The following DNAJC28 variants were observed in gnomAD, a reference collection of about 807,000 sequenced individuals.
DNAJC28 encodes dnaJ homolog subfamily C member 28.
Under a neutral mutation model 33.3 loss-of-function variants are expected in DNAJC28, and 24 were observed. That is an observed-to-expected ratio of 0.72 (90% CI 0.52 to 1.01). The LOEUF (loss-of-function observed/expected upper bound fraction) is 1.01, where lower values mean the gene tolerates loss of function less well. Among genes scored for constraint, DNAJC28 ranks in the 50% least tolerant of loss-of-function variants. The pLI, the probability that DNAJC28 is intolerant of heterozygous loss-of-function variation, is 0.00. For missense variants in DNAJC28, 442 were observed against 455.2 expected, an observed-to-expected ratio of 0.97 and a Z score of 0.26; for synonymous variants, 120 against 147.2, an observed-to-expected ratio of 0.82 and a Z score of 1.34.
chr21:33,488,145 T>A lies in DNAJC28; in HGVS notation c.*82A>T, dbSNP rs1048134965. ...TGTGATAAGTACAATGGCACAATTC[T>A]TAAATTCTTGTATTATAGCAATAAA... On this transcript the variant is annotated 3_prime_UTR_variant, in exon 2 of 2. Transcript: ENST00000381947. 4.3e-6 allele frequency: 5 copies of A among 1,174,028 alleles called. No individual in the cohort carries two copies. The highest frequency in any genetic ancestry group is 5.8e-6 in the Non-Finnish European group (5 of 863,884). The allele number at this position is 1,174,028 out of a possible 1,614,324, so 72.7% of individuals were successfully genotyped here.
At position 33,488,589 on chromosome 21, in the gene DNAJC28, G is replaced by A. The variant is rs759102103; in HGVS notation, c.805C>T (p.Gln269Ter). 2.5e-6 allele frequency: 4 copies of A among 1,613,838 alleles called. No homozygotes were observed. In the East Asian group the frequency reaches 8.9e-5, roughly 36 times the overall value. The change falls in exon 2 of 2, where the codon CAA becomes TAA. Residue 269 changes from glutamine (Q) to a stop codon, truncating the protein, a stop_gained. Coordinates refer to ENST00000381947, the MANE Select transcript of DNAJC28 (RefSeq NM_001040192.3). LOFTEE classifies it high-confidence loss of function. ...KQKEISDTIE[Q>*]LREAILVSRK... The stretch of plus-strand genomic sequence containing the variant: ...GACACTAAAATTGCCTCTCTGAGTT[G>A]CTCAATAGTATCGCTTATTTCCTTT...
At chr21:33,491,514 C>T (rs947747157) in intron 1 of DNAJC28, 88 bp downstream of exon 1, 27 of 152,738 alleles carry the variant, frequency 1.8e-4, no homozygotes, top group African/African-American at 6.5e-4. Context: ...GGTGTCCCTC[C>T]CACCGCCTCC....
In DNAJC28 at chr21:33,488,111, G is replaced by T; in HGVS notation, c.*116C>A. On this transcript the variant is annotated 3_prime_UTR_variant, in exon 2 of 2. Coordinates refer to ENST00000381947, the MANE Select transcript of DNAJC28 (RefSeq NM_001040192.3). Reference sequence around the variant, plus strand: ...CTCACTCACACATCATTGGCTATGTGATTAGTTTTGTGATAAGTACAATGG... The same window carrying T: ...CTCACTCACACATCATTGGCTATGTTATTAGTTTTGTGATAAGTACAATGG... The T allele has an allele frequency of 1.2e-6, 1 of 817,732 alleles. No homozygotes were observed. The highest frequency in any genetic ancestry group is 1.8e-6 in the Non-Finnish European group (1 of 556,018). 50.7% of individuals were successfully genotyped at this position (817,732 alleles called of 1,614,324 possible).
At position 33,489,171 on chromosome 21, in the gene DNAJC28, C is replaced by A; in HGVS notation, c.223G>T (p.Ala75Ser). ...CCACTGTCAGGATGATATTGCTTGG[C>A]AAGCTTATGAAAAGATTCCCTGACT... ...DEVRESFHKL[A>S]KQYHPDSGSN... Residue 75 changes from alanine to serine, a missense_variant, in exon 2 of 2, where the codon GCC (alanine) becomes TCC (serine). Transcript: ENST00000381947. 4 of 1,611,498 alleles carry A rather than the reference C, an allele frequency of 2.5e-6. No homozygotes were observed. Among genetic ancestry groups the A allele is most frequent in the Non-Finnish European group, 3.4e-6 (4 of 1,179,364 alleles).
In DNAJC28 at chr21:33,488,127, A is replaced by C; in HGVS notation, c.*100T>G. On this transcript the variant is annotated 3_prime_UTR_variant, in exon 2 of 2. Coordinates refer to ENST00000381947, the MANE Select transcript of DNAJC28 (RefSeq NM_001040192.3). ...TGGCTATGTGATTAGTTTTGTGATAAGTACAATGGCACAATTCTTAAATTC... is the reference window on the plus strand; with the variant it reads ...TGGCTATGTGATTAGTTTTGTGATACGTACAATGGCACAATTCTTAAATTC... The C allele has an allele frequency of 1.0e-6, 1 of 999,082 alleles. No homozygotes were observed. Among genetic ancestry groups the C allele is most frequent in the Non-Finnish European group, 1.4e-6 (1 of 716,720 alleles). 61.9% of individuals were successfully genotyped at this position (999,082 alleles called of 1,614,324 possible).
Position 33,490,830 on chromosome 21 carries a change from A to G in DNAJC28, c.-32+772T>C, listed in dbSNP as rs192894610. Reference sequence around the variant, plus strand: ...CTAACCGTATATTTTACAAGTGGAAAGTTCTTAGAGATCATCTAATCCAAT... The same window carrying G: ...CTAACCGTATATTTTACAAGTGGAAGGTTCTTAGAGATCATCTAATCCAAT... On this transcript the variant is annotated intron_variant, in intron 1 of 1. Transcript: ENST00000381947. Among the ~76,000 whole-genome samples the G allele has an allele frequency of 3.9e-4, 59 of 152,302 alleles. 1 individual carries two copies. In the East Asian group the frequency reaches 9.8e-3, roughly 25 times the overall value.
In DNAJC28 at chr21:33,489,260, G is replaced by A; in HGVS notation, c.134C>T (p.Ser45Phe). The change falls in exon 2 of 2, where the codon TCC becomes TTC. Residue 45 changes from serine (S) to phenylalanine (F), a missense_variant. Coordinates refer to ENST00000381947, the MANE Select transcript of DNAJC28 (RefSeq NM_001040192.3). ...ATAATATTCTCTGATCTTCTTTTTG[G>A]ATTTATGGGTTGACATCATTCTATT... is the stretch of plus-strand genomic sequence containing the variant. Reference protein sequence around the residue: ...IRNRMMSTHKSKKKIREYYRL... With the variant: ...IRNRMMSTHKFKKKIREYYRL... The A allele has an allele frequency of 6.3e-7, 1 of 1,599,910 alleles. No individual in the cohort carries two copies. The highest frequency in any genetic ancestry group is 8.5e-7 in the Non-Finnish European group (1 of 1,176,116).
Position 33,489,340 on chromosome 21 carries a change from C to G in DNAJC28, c.54G>C (p.Lys18Asn), listed in dbSNP as rs113816667. Residue 18 changes from lysine to asparagine, a missense_variant, in exon 2 of 2, where the codon AAG (lysine) becomes AAC (asparagine). Coordinates refer to ENST00000381947, the MANE Select transcript of DNAJC28 (RefSeq NM_001040192.3). ...MAQILRSHLI[K>N]ATVIPNRVKM... The stretch of plus-strand genomic sequence containing the variant: ...TCACTCGATTAGGAATCACTGTAGC[C>G]TTTATCAGGTGAGATCTTAAGATCT... 1.3e-6 allele frequency: 2 copies of G among 1,559,976 alleles called. No individual in the cohort carries two copies. Among genetic ancestry groups the G allele is most frequent in the Non-Finnish European group, 1.7e-6 (2 of 1,158,644 alleles).
At position 33,491,691 on chromosome 21, in the gene DNAJC28, A is replaced by C. The variant is rs1432760177; in HGVS notation, c.-121T>G. ...GAGGACCCAGGCAGGGCACCTCGGG[A>C]GCCTTCGTCCCGACCGGGGACCACC... On this transcript the variant is annotated 5_prime_UTR_variant, in exon 1 of 2. Coordinates refer to ENST00000381947, the MANE Select transcript of DNAJC28 (RefSeq NM_001040192.3). 2.0e-5 allele frequency: 3 copies of C among 152,314 alleles called. No individual in the cohort carries two copies. The highest frequency in any genetic ancestry group is 7.2e-5 in the African/African-American group (3 of 41,440). The allele number at this position is 152,314 out of a possible 1,614,324, so 9.4% of individuals were successfully genotyped here. A position where few individuals can be genotyped will look rare whatever the true frequency, so the allele number is the denominator to read the frequency against.
chr21:33,489,045 C>T lies in DNAJC28; in HGVS notation c.349G>A (p.Gly117Ser), dbSNP rs2084494529. 1 of 1,612,592 alleles carries T rather than the reference C, an allele frequency of 6.2e-7. No individual in the cohort carries two copies. Among genetic ancestry groups the T allele is most frequent in the Admixed American group, 1.7e-5 (1 of 59,652 alleles). Residue 117 changes from glycine to serine, a missense_variant, in exon 2 of 2, where the codon GGT becomes AGT. Gly to Ser is a moderately conservative substitution (Grantham distance 56). Transcript: ENST00000381947. ...TTTTCTACATCTTCTTCTTCTTCAC[C>T]TTTACTCTGACTGGCATTTGTTTGT... ...IEQTNASQSK[G>S]EEEEDVEKFK...
At position 33,489,081 on chromosome 21, in the gene DNAJC28, G is replaced by A. The variant is rs1161630915; in HGVS notation, c.313C>T (p.His105Tyr). 1.9e-6 allele frequency: 3 copies of A among 1,613,582 alleles called. No individual in the cohort carries two copies. In the South Asian group the frequency reaches 3.3e-5, roughly 18 times the overall value. Residue 105 changes from histidine (H) to tyrosine (Y), a missense_variant, in exon 2 of 2, where the codon CAT becomes TAT. His to Tyr is a moderately conservative substitution (Grantham distance 83). Transcript: ENST00000381947. ...IEKAYRKVLS[H>Y]VIEQTNASQS... ...CTGGCATTTGTTTGTTCTATCACATGGGAGAGCACCTTTCTATAAGCTTTT... is the reference window on the plus strand; with the variant it reads ...CTGGCATTTGTTTGTTCTATCACATAGGAGAGCACCTTTCTATAAGCTTTT...
Position 33,488,672 on chromosome 21 carries a change from T to G in DNAJC28, c.722A>C (p.His241Pro). The G allele has an allele frequency of 6.2e-7, 1 of 1,612,390 alleles. No homozygotes were observed. Among genetic ancestry groups the G allele is most frequent in the Non-Finnish European group, 8.5e-7 (1 of 1,179,634 alleles). ...SDCSYIDPMT[H>P]NLNRILIDNG... ...ATCGATCAGTATTCGGTTCAGGTTG[T>G]GAGTCATGGGATCAATGTAAGAACA... The change falls in exon 2 of 2, where the codon CAC (histidine) becomes CCC (proline). Residue 241 changes from histidine (H) to proline (P), a missense_variant. By Grantham distance (77) the His-to-Pro change is moderately conservative. Transcript: ENST00000381947.
intron 1 of DNAJC28, 84 bp from the exon 2 acceptor site, chr21:33,489,508 G>T: frequency 1.5e-6 from 1 of 680,076 alleles, no homozygotes; most frequent in Non-Finnish European, 2.3e-6. Flanking sequence ...AAAAGATACA[G>T]CATGAATTTA....
Position 33,488,583 on chromosome 21 carries a change from T to A in DNAJC28, c.811A>T (p.Arg271Ter). The change falls in exon 2 of 2, where the codon AGA (arginine) becomes TGA (stop). Residue 271 changes from arginine to a stop codon, truncating the protein, a stop_gained. Coordinates refer to ENST00000381947, the MANE Select transcript of DNAJC28 (RefSeq NM_001040192.3). LOFTEE classifies it high-confidence loss of function. ...TTCCTAGACACTAAAATTGCCTCTC[T>A]GAGTTGCTCAATAGTATCGCTTATT... Reference protein sequence around the residue: ...KEISDTIEQLREAILVSRKKL... With the variant: ...KEISDTIEQL 1 of 1,613,772 alleles carries A rather than the reference T, an allele frequency of 6.2e-7. No individual in the cohort carries two copies. The highest frequency in any genetic ancestry group is 1.1e-5 in the South Asian group (1 of 90,856).
chr21:33,491,219 G>C (rs1248975660), intron 1 of DNAJC28: 1 of 152,246 alleles, frequency 6.6e-6, no homozygotes, highest in Non-Finnish European at 1.5e-5. Flanking sequence ...ACATGGTCTC[G>C]AAGAGGAGGA....
At chr21:33,491,020 T>C (rs1340088310) in intron 1 of DNAJC28, 3 of 152,218 alleles carry the variant, frequency 2.0e-5, no homozygotes, top group African/African-American at 7.2e-5. Flanking sequence ...GTCTGCATCA[T>C]CTCAAGAAGT....
chr21:33,491,011 T>G (rs2084517917), intron 1 of DNAJC28: 1 of 151,996 alleles, frequency 6.6e-6, no homozygotes, highest in Non-Finnish European at 1.5e-5. Context: ...TGCACGAGAG[T>G]CTGCATCATC....
Position 33,489,223 on chromosome 21 carries a change from G to A in DNAJC28, c.171C>T (p.Asn57=), listed in dbSNP as rs183905420. ...KKIREYYRLL[N]VEEGCSADEV... is the part of the protein sequence containing the mutation. ...CATCTGCAGAGCATCCTTCCTCCAC[G>A]TTCAGCAGTCTATAATATTCTCTGA... Residue 57 remains asparagine (N), a synonymous_variant, in exon 2 of 2, where the codon AAC becomes AAT. Coordinates refer to ENST00000381947, the MANE Select transcript of DNAJC28 (RefSeq NM_001040192.3). 2.7e-4 allele frequency: 429 copies of A among 1,604,794 alleles called. 2 individuals carry two copies. Among genetic ancestry groups the A allele is most frequent in the East Asian group, 2.2e-5 (1 of 44,836 alleles).
rs1171831842 is a variant in DNAJC28 at position 33,491,590 on chromosome 21, G to T, written c.-32+12C>A. On this transcript the variant is annotated intron_variant, in intron 1 of 1. Coordinates refer to ENST00000381947, the MANE Select transcript of DNAJC28 (RefSeq NM_001040192.3). ...ACTGAGGGGCTCGGGGGTACGGAAG[G>T]CAGAATCGTACCTGATTGGGACAGG... The T allele has an allele frequency of 6.6e-6, 1 of 152,422 alleles. No individual in the cohort carries two copies. Among genetic ancestry groups the T allele is most frequent in the Non-Finnish European group, 1.5e-5 (1 of 68,172 alleles). 9.4% of individuals were successfully genotyped at this position (152,422 alleles called of 1,614,324 possible). A position where few individuals can be genotyped will look rare whatever the true frequency, so the allele number is the denominator to read the frequency against.
Sources: gnomAD v4.1 joint callset for allele counts (sites outside exome capture counted in the v4.1 genomes callset) on GRCh38, gnomAD v4.1.1 for gene constraint, MANE v1.5 for transcripts, NCBI Gene and HGNC (gene_info 2026-07-23, HGNC 2026-07-21) for gene names.